NCAM2: variants seen among roughly 807,000 people sequenced by gnomAD.
The protein encoded by NCAM2 is neural cell adhesion molecule 2, also known as N-CAM-2.
NCAM2 carries 30 observed loss-of-function variants against 98.1 expected under a neutral mutation model. That is an observed-to-expected ratio of 0.31 (90% confidence interval 0.23 to 0.41). The LOEUF (loss-of-function observed/expected upper bound fraction) is 0.41, where lower values mean the gene tolerates loss of function less well. NCAM2 is among the 10% of genes least tolerant of loss of function. The pLI, the probability that NCAM2 is intolerant of heterozygous loss-of-function variation, is 1.00. For synonymous variants in NCAM2, 368 were observed against 342.4 expected (o/e 1.07, Z -0.83); for missense variants, 867 against 1,005.8 (o/e 0.86, Z 1.87).
chr21:21,385,606 T>C (rs2148116399), intron 9 of NCAM2: 1 of 1,286,146 alleles, frequency 7.8e-7, no homozygotes, highest in Non-Finnish European at 1.0e-6. Context: ...TGTTTCAGCT[T>C]AAACAGATTT....
chr21:21,237,781 T>G (rs989550519), intron 1 of NCAM2, among the ~76,000 whole-genome samples: 2 of 152,112 alleles, frequency 1.3e-5, no homozygotes, highest in Non-Finnish European at 2.9e-5. Flanking sequence ...ACAAATTATA[T>G]AGTATAGTTA....
chr21:21,104,358 A>G (rs189732060), intron 1 of NCAM2, among the ~76,000 whole-genome samples: 17 of 152,290 alleles, frequency 1.1e-4, no homozygotes, highest in Admixed American at 9.8e-4. Flanking sequence ...AGGAACAAAG[A>G]AGTATTTGCC....
At chr21:21,183,633 A>G (rs1314990981) in intron 1 of NCAM2, among the ~76,000 whole-genome samples, 1 of 152,192 alleles carries the variant, frequency 6.6e-6, no homozygotes, top group Admixed American at 6.6e-5. Context: ...TAAATTAATC[A>G]GGTGTGACAT....
At chr21:21,414,477 T>TC (rs1157189157) in intron 10 of NCAM2, among the ~76,000 whole-genome samples, 102 of 150,276 alleles carry the variant, frequency 6.8e-4, no homozygotes, top group African/African-American at 2.5e-3. Flanking sequence ...TTGTGTGTTT[T>TC]TTTTTTTTTT....
At chr21:21,229,309 C>G (rs912307949) in intron 1 of NCAM2, among the ~76,000 whole-genome samples, 1 of 151,546 alleles carries the variant, frequency 6.6e-6, no homozygotes, top group African/African-American at 2.4e-5. Context: ...AAGTTATAGA[C>G]ACATTTCTCA....
chr21:21,364,251 A>G (rs2075728044), intron 8 of NCAM2, among the ~76,000 whole-genome samples: 1 of 151,964 alleles, frequency 6.6e-6, no homozygotes, highest in South Asian at 2.1e-4. Flanking sequence ...TCCAATAAAT[A>G]TAGGCATATT....
At chr21:21,433,494 C>G (rs2077388215) in intron 12 of NCAM2, among the ~76,000 whole-genome samples, 2 of 151,770 alleles carry the variant, frequency 1.3e-5, no homozygotes, top group Admixed American at 1.3e-4. Flanking sequence ...AATCCCAGCA[C>G]TTTTGGAGGC....
chr21:21,139,111 G>A (rs1256620814), intron 1 of NCAM2, among the ~76,000 whole-genome samples: 16 of 152,158 alleles, frequency 1.1e-4, no homozygotes, highest in Admixed American at 1.0e-3. Flanking sequence ...CTCTGGGTGG[G>A]CTCTAAATTC....
At chr21:21,321,643 A>G (rs1382118703) in intron 5 of NCAM2, among the ~76,000 whole-genome samples, 3 of 152,160 alleles carry the variant, frequency 2.0e-5, no homozygotes, top group Non-Finnish European at 4.4e-5. Flanking sequence ...ATGGCTCGCC[A>G]TTTATCCCAG....
At chr21:21,398,335 C>A (rs1157029628) in intron 9 of NCAM2, among the ~76,000 whole-genome samples, 1 of 152,062 alleles carries the variant, frequency 6.6e-6, no homozygotes, top group Non-Finnish European at 1.5e-5. Context: ...GTGATGGGTA[C>A]ACCAAAATCC....
intron 8 of NCAM2, among the ~76,000 whole-genome samples, chr21:21,351,672 T>A (rs909098363): frequency 6.6e-6 from 1 of 152,220 alleles, no homozygotes; most frequent in Admixed American, 6.5e-5. Flanking sequence ...TTTTGTCACA[T>A]AACAAACACC....
intron 1 of NCAM2, among the ~76,000 whole-genome samples, chr21:21,017,410 G>A (rs1193464651): frequency 9.4e-6 from 1 of 106,662 alleles, no homozygotes; most frequent in East Asian, 3.1e-4. Flanking sequence ...TGGCAACAGA[G>A]TGAGACTCTG....
chr21:21,408,998 T>TC (rs746403450), intron 9 of NCAM2, among the ~76,000 whole-genome samples: 16,962 of 150,680 alleles, frequency 0.11, 1,239 homozygotes, highest in Middle Eastern at 0.2. Flanking sequence ...AGTAATAAAA[T>TC]ATTTAAAAGT....
At chr21:21,239,816 A>G (rs2070993918) in intron 1 of NCAM2, among the ~76,000 whole-genome samples, 1 of 152,182 alleles carries the variant, frequency 6.6e-6, no homozygotes. Context: ...ATACAGATGG[A>G]CTAGCATTTT....
At chr21:21,231,722 A>T (rs2070635359) in intron 1 of NCAM2, among the ~76,000 whole-genome samples, 1 of 151,424 alleles carries the variant, frequency 6.6e-6, no homozygotes, top group Non-Finnish European at 1.5e-5. Flanking sequence ...TTATTTATGG[A>T]TATTATGTAG....
At chr21:21,414,474 T>TTTTC (rs1555890595) in intron 10 of NCAM2, among the ~76,000 whole-genome samples, 3 of 7,746 alleles carry the variant, frequency 3.9e-4, no homozygotes, top group Admixed American at 9.8e-4. Context: ...TTGTTGTGTG[T>TTTTC]TTTTTTTTTT....
In NCAM2 at chr21:21,530,130, ATG is replaced by A. The variant is rs1222966607; in HGVS notation, c.2283-4406_2283-4405del. On this transcript the variant is annotated intron_variant, in intron 16 of 17. Coordinates refer to ENST00000400546, the MANE Select transcript of NCAM2 (RefSeq NM_004540.5). ...ATAATTTAATTTAATTTAATTATAT[ATG>A]ATTTAATTTAATTTAATTATATATG... Among the ~76,000 whole-genome samples the A allele has an allele frequency of 2.0e-3, 290 of 144,104 alleles. 3 individuals are homozygous for A. The highest frequency in any genetic ancestry group is 7.6e-3 in the Middle Eastern group (2 of 264). 94.5% of individuals were successfully genotyped at this position (144,104 alleles called of 152,430 possible).
At chr21:21,229,198 T>G (rs1198013524) in intron 1 of NCAM2, among the ~76,000 whole-genome samples, 2 of 151,500 alleles carry the variant, frequency 1.3e-5, no homozygotes, top group African/African-American at 2.4e-5. Context: ...TTAAAAGTAA[T>G]AAAATATACC....
At chr21:21,334,229 G>A (rs1395709306) in intron 6 of NCAM2, among the ~76,000 whole-genome samples, 3 of 151,966 alleles carry the variant, frequency 2.0e-5, no homozygotes, top group African/African-American at 4.8e-5. Flanking sequence ...CACCACACCC[G>A]ACCCATTTGT....
Sources: allele counts gnomAD v4.1 joint callset (sites outside exome capture counted in the v4.1 genomes callset), GRCh38; gene constraint gnomAD v4.1.1; transcripts MANE v1.5; gene names NCBI Gene and HGNC (gene_info 2026-07-23, HGNC 2026-07-21).